The following HDAC9 variants were observed in gnomAD, a reference collection of about 807,000 sequenced individuals.
HDAC9 encodes the protein histone deacetylase 9.
Under a neutral mutation model 139.4 loss-of-function variants are expected in HDAC9, and 41 were observed. That is an observed-to-expected ratio of 0.29 (90% CI 0.23 to 0.38). The LOEUF (loss-of-function observed/expected upper bound fraction) is 0.38, where lower values mean the gene tolerates loss of function less well. Among genes scored for constraint, HDAC9 ranks in the 10% least tolerant of loss-of-function variants. The probability of loss-of-function intolerance (pLI) is 1.00; values close to 1 mark genes in which losing one functional copy is unlikely to be tolerated. For missense variants in HDAC9, 1,147 were observed against 1,297.0 expected, an observed-to-expected ratio of 0.88 and a Z score of 1.78; for synonymous variants, 517 against 476.2, an observed-to-expected ratio of 1.09 and a Z score of -1.12.
chr7:18,803,268 A>G (rs953544258), intron 17 of HDAC9, among the ~76,000 whole-genome samples: 1 of 152,092 alleles, frequency 6.6e-6, no homozygotes, highest in Non-Finnish European at 1.5e-5. Flanking sequence ...TTTTAAAGCA[A>G]TAGTCATGTC....
At chr7:18,259,137 T>G (rs770278682) in intron 2 of HDAC9, among the ~76,000 whole-genome samples, 1 of 151,680 alleles carries the variant, frequency 6.6e-6, no homozygotes, top group Non-Finnish European at 1.5e-5. Context: ...GCCCAGCTAA[T>G]TTTTGTATTT....
chr7:18,443,986 G>GTGTA (rs1189773132), intron 1 of HDAC9, among the ~76,000 whole-genome samples: 1 of 151,830 alleles, frequency 6.6e-6, no homozygotes. Flanking sequence ...GCATATATGT[G>GTGTA]TGTATGTATG....
chr7:18,870,749 T>C (rs1798855487), intron 21 of HDAC9, among the ~76,000 whole-genome samples: 1 of 152,226 alleles, frequency 6.6e-6, no homozygotes, highest in South Asian at 2.1e-4. Flanking sequence ...TCATAACTCA[T>C]TGCAGCCTCA....
At chr7:18,829,345 G>T in intron 18 of HDAC9, 116 bp from the exon 19 acceptor site, 1 of 1,103,678 alleles carries the variant, frequency 9.1e-7, no homozygotes, top group Non-Finnish European at 1.4e-6. Flanking sequence ...ACTCCCAGAA[G>T]CAGATTTATG....
intron 13 of HDAC9, among the ~76,000 whole-genome samples, chr7:18,744,151 T>C (rs902314099): frequency 3.3e-5 from 5 of 151,372 alleles, no homozygotes; most frequent in African/African-American, 1.2e-4. Context: ...CCACCACACC[T>C]GGCTAATTTT....
chr7:18,278,232 A>T (rs1477138955), intron 2 of HDAC9, among the ~76,000 whole-genome samples: 2 of 152,210 alleles, frequency 1.3e-5, no homozygotes, highest in African/African-American at 4.8e-5. Context: ...GATCTGTGAA[A>T]TGGGTACTCA....
chr7:18,863,171 TTACA>T (rs775200713), intron 21 of HDAC9, among the ~76,000 whole-genome samples: 3 of 152,128 alleles, frequency 2.0e-5, no homozygotes, highest in Non-Finnish European at 4.4e-5. Flanking sequence ...AAGAGGGATT[TTACA>T]TACATTTGTG....
chr7:18,298,702 T>C (rs1238261918), intron 1 of HDAC9, among the ~76,000 whole-genome samples: 1 of 152,200 alleles, frequency 6.6e-6, no homozygotes, highest in African/African-American at 2.4e-5. Context: ...GAATTGACTG[T>C]TCTTAAGTCA....
intron 1 of HDAC9, among the ~76,000 whole-genome samples, chr7:18,474,824 G>A (rs776016087): frequency 3.0e-4 from 45 of 151,830 alleles, no homozygotes; most frequent in Non-Finnish European, 4.7e-4. Flanking sequence ...TAGTATGGAA[G>A]GAAGAAAGAG....
intron 12 of HDAC9, among the ~76,000 whole-genome samples, chr7:18,684,686 T>G (rs1184917656): frequency 6.6e-6 from 1 of 152,012 alleles, no homozygotes; most frequent in African/African-American, 2.4e-5. Flanking sequence ...GACTAATTAT[T>G]CTTCAACAGC....
At chr7:18,978,389 T>G (rs1784686310) in intron 25 of HDAC9, among the ~76,000 whole-genome samples, 1 of 152,160 alleles carries the variant, frequency 6.6e-6, no homozygotes, top group African/African-American at 2.4e-5. Flanking sequence ...TTCGTTTTTC[T>G]TGGATGGGGG....
chr7:18,278,761 A>G (rs1183586553), intron 2 of HDAC9, among the ~76,000 whole-genome samples: 7 of 152,216 alleles, frequency 4.6e-5, no homozygotes, highest in Non-Finnish European at 1.0e-4. Flanking sequence ...GAATTTATGC[A>G]TATGAAGGGA....
intron 2 of HDAC9, among the ~76,000 whole-genome samples, chr7:18,178,510 T>C (rs141343719): frequency 2.0e-5 from 3 of 152,336 alleles, no homozygotes. Flanking sequence ...TAAGTTTGGC[T>C]CTTCTTCAGC....
chr7:18,107,168 A>T (rs1159184065), intron 1 of HDAC9, among the ~76,000 whole-genome samples: 2 of 150,630 alleles, frequency 1.3e-5, no homozygotes, highest in African/African-American at 4.9e-5. Context: ...TTAGGAGCAA[A>T]CCTAGGGTGT....
At chr7:18,293,138 ACTTTTGTCAT>A (rs1797920787) in intron 1 of HDAC9, among the ~76,000 whole-genome samples, 1 of 152,120 alleles carries the variant, frequency 6.6e-6, no homozygotes, top group Non-Finnish European at 1.5e-5. Flanking sequence ...TGGCTACAGT[ACTTTTGTCAT>A]CTTGACAGAA....
At chr7:18,458,898 C>T (rs1793589889) in intron 1 of HDAC9, 5 of 1,530,242 alleles carry the variant, frequency 3.3e-6, no homozygotes, top group Non-Finnish European at 3.5e-6. Context: ...TAGGATCTTC[C>T]CAGGTAGAAC....
intron 12 of HDAC9, among the ~76,000 whole-genome samples, chr7:18,726,581 T>A (rs2129128142): frequency 6.6e-6 from 1 of 152,274 alleles, no homozygotes; most frequent in Non-Finnish European, 1.5e-5. Context: ...GTTCAGCTAT[T>A]TTTCACATTC....
chr7:18,135,627 T>C (rs1252430672), intron 1 of HDAC9, among the ~76,000 whole-genome samples: 1 of 136,298 alleles, frequency 7.3e-6, no homozygotes, highest in African/African-American at 3.0e-5. Flanking sequence ...ACAAAGGACA[T>C]GAACTCATCA....
At chr7:18,125,423 A>G (rs946440195) in intron 1 of HDAC9, among the ~76,000 whole-genome samples, 2 of 127,282 alleles carry the variant, frequency 1.6e-5, no homozygotes, top group African/African-American at 5.6e-5. Context: ...ACTAACACAT[A>G]TATATATGCG....
Sources: gnomAD v4.1 joint callset for allele counts (sites outside exome capture counted in the v4.1 genomes callset) on GRCh38, gnomAD v4.1.1 for gene constraint, MANE v1.5 for transcripts, NCBI Gene and HGNC (gene_info 2026-07-23, HGNC 2026-07-21) for gene names.